SCN8A: variants seen among roughly 807,000 people sequenced by gnomAD.
SCN8A encodes the protein sodium voltage-gated channel alpha subunit 8.
In SCN8A, 30 loss-of-function variants were observed where a neutral mutation model predicts 184.1. The ratio of observed to expected loss-of-function variants is 0.16; its 90% confidence interval spans 0.12 to 0.22. The LOEUF (loss-of-function observed/expected upper bound fraction) is 0.22. Among genes scored for constraint, SCN8A ranks in the 10% least tolerant of loss-of-function variants. SCN8A has a pLI of 1.00. For synonymous variants in SCN8A, 852 were observed against 907.0 expected (o/e 0.94, Z 1.09); for missense variants, 1,057 against 2,498.9 (o/e 0.42, Z 12.30).
chr12:51,665,384 T>C (rs1356839675), intron 2 of SCN8A, among the ~76,000 whole-genome samples: 1 of 152,232 alleles, frequency 6.6e-6, no homozygotes, highest in Non-Finnish European at 1.5e-5. Context: ...CAAGGGTAAA[T>C]TGTTCCTGGA....
At chr12:51,793,779 A>C (rs1938331893) in intron 25 of SCN8A, among the ~76,000 whole-genome samples, 1 of 151,852 alleles carries the variant, frequency 6.6e-6, no homozygotes, top group Admixed American at 6.6e-5. Flanking sequence ...TTGAATTGCT[A>C]TGTGCTATGA....
At chr12:51,744,946 T>C (rs953282619) in intron 12 of SCN8A, among the ~76,000 whole-genome samples, 2 of 152,174 alleles carry the variant, frequency 1.3e-5, no homozygotes, top group African/African-American at 4.8e-5. Flanking sequence ...GCTGATTGTC[T>C]CTGTCCTCTT....
At chr12:51,623,621 T>A (rs1373849303) in intron 1 of SCN8A, among the ~76,000 whole-genome samples, 4 of 152,224 alleles carry the variant, frequency 2.6e-5, no homozygotes, top group African/African-American at 9.6e-5. Context: ...TTTCTTTTTT[T>A]TTATTATTAT....
rs143888465 is a variant in SCN8A at position 51,616,324 on chromosome 12, C to T, written c.-55+24965C>T. Among the ~76,000 whole-genome samples the T allele has an allele frequency of 6.4e-3, 975 of 152,194 alleles. 2 individuals carry two copies. Among genetic ancestry groups the T allele is most frequent in the Middle Eastern group, 0.024 (7 of 294 alleles). On this transcript the variant is annotated intron_variant, in intron 1 of 26. Coordinates refer to ENST00000627620, the MANE Select transcript of SCN8A (RefSeq NM_001330260.2). ...GACATTTGTTTCTTTTCATTTTCCC[C>T]CAGCACTTAAAAGTGTTTCACTGGG...
chr12:51,627,017 C>T (rs1940093679), intron 1 of SCN8A, among the ~76,000 whole-genome samples: 2 of 151,998 alleles, frequency 1.3e-5, no homozygotes, highest in Non-Finnish European at 2.9e-5. Flanking sequence ...TTTACTATTG[C>T]CTCTAACAGG....
At chr12:51,791,341 C>T (rs893895111) in intron 25 of SCN8A, among the ~76,000 whole-genome samples, 1 of 152,158 alleles carries the variant, frequency 6.6e-6, no homozygotes, top group South Asian at 2.1e-4. Context: ...CCCTCACCCC[C>T]ACACGCCGCA....
chr12:51,633,746 TC>T lies in SCN8A; in HGVS notation c.-54-29016del, dbSNP rs1940252077. Among the ~76,000 whole-genome samples, 8 of 152,312 alleles carry T rather than the reference TC, an allele frequency of 5.3e-5. No individual in the cohort carries two copies. The South Asian group carries it at 1.7e-3, about 32-fold the overall frequency. The stretch of plus-strand genomic sequence containing the variant: ...GTTGCTGGTCATTGTCTCTTAGTGT[TC>T]CATGTTGACGTAATCATATGCATTT... On this transcript the variant is annotated intron_variant, in intron 1 of 26. Coordinates refer to ENST00000627620, the MANE Select transcript of SCN8A (RefSeq NM_001330260.2).
rs892017672 is a variant in SCN8A at position 51,807,732 on chromosome 12, T to C, written c.*303T>C. 2.7e-6 allele frequency: 1 copy of C among 376,354 alleles called. No individual in the cohort carries two copies. Among genetic ancestry groups the C allele is most frequent in the Non-Finnish European group, 4.8e-6 (1 of 209,196 alleles). The allele number at this position is 376,354 out of a possible 1,614,324, so 23.3% of individuals were successfully genotyped here. ...CCAGATACAGAAACAGAAGAGAGGC[T>C]GCCGGGACCAGCATATTTCCGTTGC... On this transcript the variant is annotated 3_prime_UTR_variant, in exon 27 of 27. Coordinates refer to ENST00000627620, the MANE Select transcript of SCN8A (RefSeq NM_001330260.2). This position sits in a 1 kb window ranked among gnomAD's most constrained non-coding sequence, Gnocchi z 4.5.
chr12:51,686,251 T>C (rs1159516346), intron 3 of SCN8A, 117 bp from the exon 4 acceptor site: 38 of 692,844 alleles, frequency 5.5e-5, no homozygotes, highest in Non-Finnish European at 9.4e-5. Flanking sequence ...TTCTCTTCTG[T>C]GCTTCATCTC....
intron 1 of SCN8A, among the ~76,000 whole-genome samples, chr12:51,592,074 A>T (rs1290331308): frequency 8.6e-5 from 1 of 11,572 alleles, no homozygotes; most frequent in Non-Finnish European, 1.7e-4. Context: ...CCCCACCCCC[A>T]CGCCACCCGA....
intron 19 of SCN8A, among the ~76,000 whole-genome samples, chr12:51,771,716 C>G (rs1182340649): frequency 6.6e-6 from 1 of 152,172 alleles, no homozygotes; most frequent in African/African-American, 2.4e-5. Flanking sequence ...GCCAGACCAC[C>G]CCGCCTGCCC....
chr12:51,749,395 G>A (rs772353812), intron 13 of SCN8A, among the ~76,000 whole-genome samples: 11 of 152,160 alleles, frequency 7.2e-5, no homozygotes, highest in Non-Finnish European at 1.0e-4. Context: ...GTGAGCAGTC[G>A]CAGCTTCAAC....
intron 1 of SCN8A, among the ~76,000 whole-genome samples, chr12:51,647,763 A>G (rs1379332411): frequency 5.3e-5 from 8 of 152,212 alleles, no homozygotes. Flanking sequence ...TCTCGTTGTC[A>G]TTGGAGAAGG....
At chr12:51,629,118 A>C (rs1379176766) in intron 1 of SCN8A, among the ~76,000 whole-genome samples, 1 of 152,244 alleles carries the variant, frequency 6.6e-6, no homozygotes, top group East Asian at 1.9e-4. Context: ...CGTAGAGGCA[A>C]ATTCTAACAG....
At chr12:51,756,423 T>C (rs1942675532) in intron 14 of SCN8A, among the ~76,000 whole-genome samples, 1 of 152,158 alleles carries the variant, frequency 6.6e-6, no homozygotes, top group South Asian at 2.1e-4. Context: ...CTGGCACCCC[T>C]TGTGAGTCTT....
In SCN8A at chr12:51,807,171, G is replaced by A. The variant is rs1379106149; in HGVS notation, c.5685G>A (p.Glu1895=). 3.1e-6 allele frequency: 5 copies of A among 1,613,986 alleles called. No homozygotes were observed. The highest frequency in any genetic ancestry group is 4.2e-6 in the Non-Finnish European group (5 of 1,179,906). The change falls in exon 27 of 27, where the codon GAG becomes GAA. Residue 1895 remains glutamate, a synonymous_variant. Coordinates refer to ENST00000627620, the MANE Select transcript of SCN8A (RefSeq NM_001330260.2). The surrounding 1 kb of genome is among the most constrained non-coding windows in gnomAD (Gnocchi z 4.5). ...PITTTLRRKQ[E]EVSAVVLQRA... ...CAACCACACTGCGTCGCAAGCAGGAGGAGGTATCTGCAGTGGTCCTGCAGC... is the reference window on the plus strand; with the variant it reads ...CAACCACACTGCGTCGCAAGCAGGAAGAGGTATCTGCAGTGGTCCTGCAGC...
chr12:51,624,709 T>C (rs1447536579), intron 1 of SCN8A, among the ~76,000 whole-genome samples: 2 of 152,296 alleles, frequency 1.3e-5, no homozygotes, highest in East Asian at 3.9e-4. Flanking sequence ...CTGAATGGTA[T>C]TGCCTAGGTT....
chr12:51,677,625 T>C (rs1227454029), intron 2 of SCN8A, among the ~76,000 whole-genome samples: 4 of 152,178 alleles, frequency 2.6e-5, no homozygotes, highest in Non-Finnish European at 5.9e-5. Flanking sequence ...TATCTTACCC[T>C]GAGTTAACAA....
rs777424314 is a variant in SCN8A at position 51,721,728 on chromosome 12, G to C, written c.1818G>C (p.Arg606=). 5.0e-6 allele frequency: 8 copies of C among 1,596,572 alleles called. No homozygotes were observed. The African/African-American group carries it at 6.7e-5, about 13-fold the overall frequency. Residue 606 remains arginine (R), a synonymous_variant, in exon 12 of 27, where the codon CGG becomes CGC. Transcript: ENST00000627620. ...GGGACTCCCTCTTCATCCCCATCCG[G>C]GCCCGCGAGCGCCGGAGCAGCTACA... ...GRRDSLFIPI[R]ARERRSSYSG... is the part of the protein sequence containing the mutation.
Sources: gnomAD v4.1 joint callset for allele counts (sites outside exome capture counted in the v4.1 genomes callset) on GRCh38, gnomAD v4.1.1 for gene constraint, Gnocchi (gnomAD v3.1) non-coding constraint, MANE v1.5 for transcripts, NCBI Gene and HGNC (gene_info 2026-07-23, HGNC 2026-07-21) for gene names.